Variants in CTNNA2 observed in about 807,000 individuals in gnomAD.
CTNNA2 encodes catenin alpha 2.
A neutral mutation model predicts 101.0 loss-of-function variants in CTNNA2; 42 were observed. That is an observed-to-expected ratio of 0.42 (90% CI 0.32 to 0.54). The LOEUF (loss-of-function observed/expected upper bound fraction) is 0.54, where lower values mean the gene tolerates loss of function less well. Among genes scored for constraint, CTNNA2 ranks in the 20% least tolerant of loss-of-function variants. The probability of loss-of-function intolerance (pLI) is 0.14; values close to 1 mark genes in which losing one functional copy is unlikely to be tolerated. For synonymous variants in CTNNA2, 450 were observed against 456.4 expected (o/e 0.99, Z 0.18); for missense variants, 871 against 1,223.1 (o/e 0.71, Z 4.29).
chr2:79,211,290 A>G (rs1041570213), intron 2 of CTNNA2, among the ~76,000 whole-genome samples: 1 of 152,182 alleles, frequency 6.6e-6, no homozygotes, highest in African/African-American at 2.4e-5. Context: ...AAAAACACAG[A>G]CTATCTTTAA....
chr2:80,538,605 C>T (rs747870975), intron 9 of CTNNA2, among the ~76,000 whole-genome samples: 9 of 152,142 alleles, frequency 5.9e-5, no homozygotes, highest in Admixed American at 2.0e-4. Flanking sequence ...GGTACCAGCA[C>T]CATGCTGTTT....
exon 2 of CTNNA2, chr2:79,197,999 C>G (rs1212530271): frequency 6.6e-6 from 1 of 152,250 alleles, no homozygotes; most frequent in Non-Finnish European, 1.5e-5. Flanking sequence ...GTCTCAGTCT[C>G]TTGACCTCGT....
intron 9 of CTNNA2, among the ~76,000 whole-genome samples, chr2:80,430,041 A>G (rs1475990498): frequency 6.6e-6 from 1 of 152,208 alleles, no homozygotes; most frequent in African/African-American, 2.4e-5. Context: ...GAAACCAACT[A>G]TTAGTTTCCA....
At chr2:79,942,587 T>C (rs1688231933) in intron 7 of CTNNA2, among the ~76,000 whole-genome samples, 1 of 152,118 alleles carries the variant, frequency 6.6e-6, no homozygotes, top group Non-Finnish European at 1.5e-5. Context: ...GTGTGCCAAA[T>C]GAGGAGGTCT....
chr2:80,192,939 G>T (rs1174146980), intron 7 of CTNNA2, among the ~76,000 whole-genome samples: 1 of 147,262 alleles, frequency 6.8e-6, no homozygotes, highest in African/African-American at 2.4e-5. Flanking sequence ...CGTATTTTGG[G>T]AGTGTGTATA....
At chr2:80,628,526 T>C (rs1418968941) in intron 18 of CTNNA2, among the ~76,000 whole-genome samples, 2 of 151,390 alleles carry the variant, frequency 1.3e-5, no homozygotes, top group Non-Finnish European at 2.9e-5. Flanking sequence ...TGGCTAACCA[T>C]ATGCAGAAAG....
At chr2:80,628,503 GTGTTGGGAAAAC>G (rs745680139) in intron 18 of CTNNA2, among the ~76,000 whole-genome samples, 1 of 151,336 alleles carries the variant, frequency 6.6e-6, no homozygotes, top group Non-Finnish European at 1.5e-5. Flanking sequence ...TTAATAAATA[GTGTTGGGAAAAC>G]TGGCTAACCA....
At chr2:79,426,581 C>A (rs1265326507) in intron 4 of CTNNA2, among the ~76,000 whole-genome samples, 4 of 152,098 alleles carry the variant, frequency 2.6e-5, no homozygotes, top group African/African-American at 4.8e-5. Flanking sequence ...CATTTTAATT[C>A]ATTAGACATG....
intron 3 of CTNNA2, among the ~76,000 whole-genome samples, chr2:79,853,093 C>A (rs1574135678): frequency 6.6e-6 from 1 of 152,150 alleles, no homozygotes; most frequent in Admixed American, 6.5e-5. Context: ...GTCTTGAACT[C>A]CTGACCTCAA....
intron 9 of CTNNA2, among the ~76,000 whole-genome samples, chr2:80,463,062 T>G (rs986789445): frequency 6.6e-6 from 1 of 152,144 alleles, no homozygotes; most frequent in Non-Finnish European, 1.5e-5. Flanking sequence ...TCCCTAGGAG[T>G]TGGCGCTGTG....
intron 2 of CTNNA2, among the ~76,000 whole-genome samples, chr2:79,233,166 T>C (rs1674517434): frequency 6.6e-6 from 1 of 152,224 alleles, no homozygotes; most frequent in Non-Finnish European, 1.5e-5. Flanking sequence ...ATTTGAGAAC[T>C]TTCTAACCTC....
At chr2:79,951,443 G>T (rs1688875058) in intron 7 of CTNNA2, among the ~76,000 whole-genome samples, 4 of 152,096 alleles carry the variant, frequency 2.6e-5, no homozygotes, top group Admixed American at 2.6e-4. Context: ...GAGGTGGACG[G>T]ATCACTTGAG....
At chr2:79,736,763 C>G (rs1670904997) in intron 2 of CTNNA2, among the ~76,000 whole-genome samples, 1 of 152,172 alleles carries the variant, frequency 6.6e-6, no homozygotes, top group South Asian at 2.1e-4. Flanking sequence ...TAGAGCAACA[C>G]AGTAGAATTC....
intron 7 of CTNNA2, among the ~76,000 whole-genome samples, chr2:80,151,229 C>T (rs139622096): frequency 9.6e-4 from 147 of 152,340 alleles, no homozygotes; most frequent in African/African-American, 3.2e-3. Context: ...ACTGCCTTTC[C>T]TTCCCTGTGA....
At chr2:79,242,001 G>C (rs183850011) in intron 2 of CTNNA2, among the ~76,000 whole-genome samples, 140 of 152,058 alleles carry the variant, frequency 9.2e-4, no homozygotes, top group African/African-American at 3.2e-3. Context: ...CACCTCCTGG[G>C]TTCACGCCAT....
intron 2 of CTNNA2, among the ~76,000 whole-genome samples, chr2:79,671,753 C>T (rs1682854375): frequency 6.6e-6 from 1 of 152,198 alleles, no homozygotes; most frequent in South Asian, 2.1e-4. Flanking sequence ...TAAATGATAT[C>T]TGAAGGCAAT....
intron 9 of CTNNA2, among the ~76,000 whole-genome samples, chr2:80,482,197 G>T (rs1238079282): frequency 1.3e-5 from 2 of 152,004 alleles, no homozygotes; most frequent in Non-Finnish European, 2.9e-5. Flanking sequence ...CCTCCCAAAA[G>T]TCTGTCAGAC....
chr2:79,269,313 C>A (rs1209066672), intron 2 of CTNNA2, among the ~76,000 whole-genome samples: 1 of 152,100 alleles, frequency 6.6e-6, no homozygotes, highest in Non-Finnish European at 1.5e-5. Context: ...CACACCCAAG[C>A]AAACTTGTGC....
intron 2 of CTNNA2, among the ~76,000 whole-genome samples, chr2:79,218,353 T>TA (rs1305328019): frequency 6.6e-5 from 2 of 30,170 alleles, no homozygotes. Flanking sequence ...GTGTGTGTAT[T>TA]TTTTTTTTTT....
Sources: allele counts gnomAD v4.1 joint callset (sites outside exome capture counted in the v4.1 genomes callset), GRCh38; gene constraint gnomAD v4.1.1; transcripts MANE v1.5; gene names NCBI Gene and HGNC (gene_info 2026-07-23, HGNC 2026-07-21).